ROCK2: variants seen among roughly 807,000 people sequenced by gnomAD.
ROCK2 encodes rho-associated protein kinase 2.
In ROCK2, 61 loss-of-function variants were observed where a neutral mutation model predicts 195.1. The observed-to-expected ratio is 0.31, with a 90% CI of 0.25 to 0.39. ROCK2 has a LOEUF of 0.39. ROCK2 is among the 10% of genes least tolerant of loss of function. The probability of loss-of-function intolerance (pLI) is 1.00; values close to 1 mark genes in which losing one functional copy is unlikely to be tolerated. For synonymous variants in ROCK2, 504 were observed against 545.5 expected, an observed-to-expected ratio of 0.92 and a Z score of 1.06; for missense variants, 1,109 against 1,637.4, an observed-to-expected ratio of 0.68 and a Z score of 5.57.
At chr2:11,335,110 C>T (rs867497213) in intron 1 of ROCK2, among the ~76,000 whole-genome samples, 2 of 5,286 alleles carry the variant, frequency 3.8e-4, no homozygotes, top group African/African-American at 7.7e-4. Flanking sequence ...TTGACTGATA[C>T]ACACACACAC....
At chr2:11,323,396 A>G (rs951585055) in intron 1 of ROCK2, among the ~76,000 whole-genome samples, 2 of 152,222 alleles carry the variant, frequency 1.3e-5, no homozygotes, top group African/African-American at 4.8e-5. Context: ...GGAAGACATT[A>G]AATCTAAAAG....
chr2:11,285,241 A>G (rs1215552097), intron 3 of ROCK2, among the ~76,000 whole-genome samples: 2 of 148,424 alleles, frequency 1.3e-5, no homozygotes, highest in Non-Finnish European at 3.0e-5. Context: ...CAGCCTGGGC[A>G]ACAAGAGTGA....
At position 11,344,486 on chromosome 2, in the gene ROCK2, C is replaced by T. The variant is rs1419224823; in HGVS notation, c.-350G>A. 1 of 994,742 alleles carries T rather than the reference C, an allele frequency of 1.0e-6. No individual in the cohort carries two copies. The highest frequency in any genetic ancestry group is 1.2e-6 in the Non-Finnish European group (1 of 836,582). The allele number at this position is 994,742 out of a possible 1,614,324, so 61.6% of individuals were successfully genotyped here. A position where few individuals can be genotyped will look rare whatever the true frequency, so the allele number is the denominator to read the frequency against. On this transcript the variant is annotated 5_prime_UTR_variant, in exon 1 of 33. Coordinates refer to ENST00000315872, the MANE Select transcript of ROCK2 (RefSeq NM_004850.5). This position sits in a 1 kb window ranked among gnomAD's most constrained non-coding sequence, Gnocchi z 5.4. ...AAGTGGCGCCGCCACCGCCGCGGCCCGGACCGCCCCGCCCTCTGGGGCCCC... is the reference window on the plus strand; with the variant it reads ...AAGTGGCGCCGCCACCGCCGCGGCCTGGACCGCCCCGCCCTCTGGGGCCCC...
chr2:11,218,948 G>C lies in ROCK2; in HGVS notation c.1320+18C>G, dbSNP rs898128850. The C allele has an allele frequency of 7.4e-7, 1 of 1,356,556 alleles. No homozygotes were observed. The highest frequency in any genetic ancestry group is 1.4e-5 in the African/African-American group (1 of 69,550). 84.0% of individuals were successfully genotyped at this position (1,356,556 alleles called of 1,614,324 possible). ...ACATGAAACTAAAATAACTACAGCA[G>C]TAAAAATGTATACGTACTTCATTTT... On this transcript the variant is annotated intron_variant, in intron 10 of 32. Coordinates refer to ENST00000315872, the MANE Select transcript of ROCK2 (RefSeq NM_004850.5).
chr2:11,239,158 AAGGTTTCTTAGATATAACAC>A (rs1163213411), intron 4 of ROCK2, among the ~76,000 whole-genome samples: 3 of 152,148 alleles, frequency 2.0e-5, no homozygotes, highest in African/African-American at 7.2e-5. Context: ...AGATTAGACA[AAGGTTTCTTAGATATAACAC>A]CAAAAACGCA....
At chr2:11,236,388 T>A (rs1286758275) in intron 4 of ROCK2, among the ~76,000 whole-genome samples, 1 of 152,042 alleles carries the variant, frequency 6.6e-6, no homozygotes, top group Non-Finnish European at 1.5e-5. Context: ...TTTAAAAAAA[T>A]CTAGAGATAC....
chr2:11,334,066 T>A (rs977018244), intron 1 of ROCK2, among the ~76,000 whole-genome samples: 2 of 152,130 alleles, frequency 1.3e-5, no homozygotes, highest in Non-Finnish European at 2.9e-5. Flanking sequence ...TCTAAACCCA[T>A]CCTCCCTGCA....
At chr2:11,266,092 C>T (rs1460735468) in intron 3 of ROCK2, among the ~76,000 whole-genome samples, 2 of 152,192 alleles carry the variant, frequency 1.3e-5, no homozygotes, top group African/African-American at 4.8e-5. Context: ...CACTGTCTTC[C>T]ACCTCTACAT....
At chr2:11,195,139 A>G in intron 27 of ROCK2, 114 bp from the exon 28 acceptor site, 1 of 551,142 alleles carries the variant, frequency 1.8e-6, no homozygotes, top group East Asian at 3.0e-5. Flanking sequence ...ATCCTTTAGA[A>G]TTTATCACTA....
intron 6 of ROCK2, 44 bp downstream of exon 6, chr2:11,227,207 GTAT>G: frequency 6.6e-7 from 1 of 1,504,276 alleles, no homozygotes; most frequent in African/African-American, 1.4e-5. Flanking sequence ...CTGAAATAAA[GTAT>G]TATAAGAAGC....
At position 11,253,250 on chromosome 2, in the gene ROCK2, A is replaced by G. The variant is rs115360429; in HGVS notation, c.325-3452T>C. 4.8e-3 allele frequency among the ~76,000 whole-genome samples: 726 copies of G among 152,200 alleles called. 4 individuals carry two copies. Among genetic ancestry groups the G allele is most frequent in the Admixed American group, 8.0e-3 (122 of 15,294 alleles). On this transcript the variant is annotated intron_variant, in intron 3 of 32. Coordinates refer to ENST00000315872, the MANE Select transcript of ROCK2 (RefSeq NM_004850.5). ...GATCTAGCCTATGTCCACCTTCCCG[A>G]CTTAAATCTTGTCATTTTCTTCCCA...
intron 1 of ROCK2, among the ~76,000 whole-genome samples, chr2:11,310,635 C>T (rs1295791219): frequency 3.3e-5 from 5 of 151,980 alleles, no homozygotes; most frequent in African/African-American, 1.2e-4. Context: ...TCCTGGCATG[C>T]TCAACATTAC....
intron 3 of ROCK2, among the ~76,000 whole-genome samples, chr2:11,266,654 A>G (rs147178570): frequency 6.6e-6 from 1 of 152,360 alleles, no homozygotes; most frequent in East Asian, 1.9e-4. Context: ...GATGTGCCAA[A>G]TGTGGAACAG....
At position 11,317,044 on chromosome 2, in the gene ROCK2, G is replaced by A. The variant is rs1016541423; in HGVS notation, c.141+26952C>T. On this transcript the variant is annotated intron_variant, in intron 1 of 32. Transcript: ENST00000315872. Reference sequence around the variant, plus strand: ...TTCTTCAGACTAAACTCTCATCTATGGTATATAACATAAGGTTAAATTATC... The same window carrying A: ...TTCTTCAGACTAAACTCTCATCTATAGTATATAACATAAGGTTAAATTATC... 2.0e-5 allele frequency among the ~76,000 whole-genome samples: 3 copies of A among 151,940 alleles called. No individual in the cohort carries two copies. The East Asian group carries it at 5.8e-4, about 29-fold the overall frequency.
chr2:11,262,631 T>C (rs746138496), intron 3 of ROCK2, among the ~76,000 whole-genome samples: 12 of 152,192 alleles, frequency 7.9e-5, no homozygotes, highest in Non-Finnish European at 1.0e-4. Context: ...CCTGCTGCCA[T>C]CCATGTAAGA....
intron 3 of ROCK2, among the ~76,000 whole-genome samples, chr2:11,285,433 A>G (rs1357831867): frequency 1.3e-5 from 2 of 152,074 alleles, no homozygotes; most frequent in African/African-American, 2.4e-5. Context: ...CCATTTCATC[A>G]TATTATCCTC....
intron 4 of ROCK2, among the ~76,000 whole-genome samples, chr2:11,242,871 G>A (rs1665476878): frequency 6.6e-6 from 1 of 152,094 alleles, no homozygotes; most frequent in South Asian, 2.1e-4. Context: ...ATGTCATCAT[G>A]GTTCTTAAAA....
intron 1 of ROCK2, among the ~76,000 whole-genome samples, chr2:11,309,997 A>AG (rs1667984769): frequency 6.6e-6 from 1 of 152,150 alleles, no homozygotes; most frequent in Non-Finnish European, 1.5e-5. Context: ...AAGAAATGAA[A>AG]GAAAAAAAAG....
At chr2:11,342,683 A>C (rs1175489669) in intron 1 of ROCK2, among the ~76,000 whole-genome samples, 1 of 152,200 alleles carries the variant, frequency 6.6e-6, no homozygotes, top group Non-Finnish European at 1.5e-5. Flanking sequence ...CATGCAAGCA[A>C]TCTTACTCCC....
Sources: gnomAD v4.1 joint callset for allele counts (sites outside exome capture counted in the v4.1 genomes callset) on GRCh38, gnomAD v4.1.1 for gene constraint, Gnocchi (gnomAD v3.1) non-coding constraint, MANE v1.5 for transcripts, NCBI Gene and HGNC (gene_info 2026-07-23, HGNC 2026-07-21) for gene names.